The following PHF24 variants were observed in gnomAD, a reference collection of about 807,000 sequenced individuals.
PHF24 encodes Galpha inhibitory interacting protein.
PHF24 carries 25 observed loss-of-function variants against 42.6 expected under a neutral mutation model. The ratio of observed to expected loss-of-function variants is 0.59; its 90% CI spans 0.43 to 0.82. The LOEUF is 0.82. Among genes scored for constraint, PHF24 ranks in the 40% least tolerant of loss-of-function variants. PHF24 has a pLI of 0.00. For synonymous variants in PHF24, 185 were observed against 204.8 expected (o/e 0.90, Z 0.83); for missense variants, 470 against 538.1 (o/e 0.87, Z 1.25).
the PHF24 span, among the ~76,000 whole-genome samples, chr9:34,858,989 G>A: frequency 6.6e-6 from 1 of 152,134 alleles, no homozygotes; most frequent in Non-Finnish European, 1.5e-5. Context: ...GATCTACTTA[G>A]TTTAAAGTAA....
the PHF24 span, among the ~76,000 whole-genome samples, chr9:34,891,503 G>T: frequency 6.6e-6 from 1 of 152,206 alleles, no homozygotes; most frequent in African/African-American, 2.4e-5. Context: ...GGTGCTGCAT[G>T]CTGGGAAGAC....
chr9:34,944,222 G>A, the PHF24 span, among the ~76,000 whole-genome samples: 20 of 152,126 alleles, frequency 1.3e-4, no homozygotes, highest in Middle Eastern at 3.2e-3. Context: ...GCATGATGTA[G>A]GCTGATAAAA....
chr9:34,701,614 C>G, the PHF24 span, among the ~76,000 whole-genome samples: 303 of 152,248 alleles, frequency 2.0e-3, 1 homozygote, highest in African/African-American at 6.9e-3. The surrounding 1 kb of genome is among the most constrained non-coding windows in gnomAD (Gnocchi z 5.8). Context: ...TCCCGGCTCC[C>G]TGGCCCCGCC....
At chr9:34,918,170 G>T in the PHF24 span, 1 of 1,486,334 alleles carries the variant, frequency 6.7e-7, no homozygotes, top group Non-Finnish European at 9.4e-7. Context: ...TCGGCCAGGA[G>T]AAGAAGGGTT....
the PHF24 span, among the ~76,000 whole-genome samples, chr9:34,758,461 T>C: frequency 7.2e-5 from 11 of 152,168 alleles, no homozygotes; most frequent in South Asian, 1.0e-3. This position sits in a 1 kb window ranked among gnomAD's most constrained non-coding sequence, Gnocchi z 4.4. Context: ...GCTGGAAGTA[T>C]AGGCAGCAGG....
At chr9:34,854,196 A>ATT in the PHF24 span, among the ~76,000 whole-genome samples, 2,193 of 106,608 alleles carry the variant, frequency 0.021, 62 homozygotes, top group African/African-American at 0.062. Context: ...CAGTCTATCT[A>ATT]TTTTTTTTTT....
At chr9:34,881,449 T>C in the PHF24 span, among the ~76,000 whole-genome samples, 3 of 151,848 alleles carry the variant, frequency 2.0e-5, no homozygotes, top group East Asian at 1.9e-4. Flanking sequence ...ATCAACAAAA[T>C]TGATATACTG....
At chr9:34,768,151 G>C in the PHF24 span, among the ~76,000 whole-genome samples, 4 of 152,168 alleles carry the variant, frequency 2.6e-5, no homozygotes, top group Non-Finnish European at 5.9e-5. Flanking sequence ...GGCTACAAAT[G>C]ACAAGTTCAA....
the PHF24 span, among the ~76,000 whole-genome samples, chr9:34,808,353 T>C: frequency 6.6e-6 from 1 of 152,096 alleles, no homozygotes; most frequent in Admixed American, 6.6e-5. Flanking sequence ...TACCAGCTAC[T>C]CCAGAGGCTG....
the PHF24 span, among the ~76,000 whole-genome samples, chr9:34,910,734 G>C: frequency 6.6e-6 from 1 of 152,016 alleles, no homozygotes; most frequent in South Asian, 2.1e-4. Flanking sequence ...AAGGGGTTTT[G>C]TCATGATTCA....
the PHF24 span, among the ~76,000 whole-genome samples, chr9:34,766,016 T>A: frequency 6.6e-6 from 1 of 152,112 alleles, no homozygotes; most frequent in Admixed American, 6.6e-5. Flanking sequence ...TTTAAGAATG[T>A]TGAATATTGG....
the PHF24 span, among the ~76,000 whole-genome samples, chr9:34,692,198 G>A: frequency 5.5e-4 from 83 of 152,210 alleles, no homozygotes; most frequent in Admixed American, 1.4e-3. Flanking sequence ...GAGAGAGGGA[G>A]GGGGAACATT....
the PHF24 span, among the ~76,000 whole-genome samples, chr9:34,896,212 C>T: frequency 6.6e-6 from 1 of 151,994 alleles, no homozygotes; most frequent in Non-Finnish European, 1.5e-5. Flanking sequence ...ACAACAACAA[C>T]AAAAAATAGA....
At chr9:34,850,841 G>T in the PHF24 span, among the ~76,000 whole-genome samples, 1 of 152,228 alleles carries the variant, frequency 6.6e-6, no homozygotes, top group Admixed American at 6.5e-5. Flanking sequence ...CTGCAGGTCT[G>T]TTGGAGTTTG....
the PHF24 span, among the ~76,000 whole-genome samples, chr9:34,878,424 C>T: frequency 1.3e-5 from 2 of 152,148 alleles, no homozygotes; most frequent in African/African-American, 2.4e-5. Flanking sequence ...GGCATTGCCT[C>T]ACCTGGGAAG....
chr9:34,744,242 G>C, the PHF24 span, among the ~76,000 whole-genome samples: 51 of 152,276 alleles, frequency 3.3e-4, no homozygotes, highest in African/African-American at 1.0e-3. Flanking sequence ...GGTGGTCAGT[G>C]GGGAACAAAG....
the PHF24 span, among the ~76,000 whole-genome samples, chr9:34,886,132 C>G: frequency 2.4e-4 from 37 of 152,008 alleles, 1 homozygote; most frequent in African/African-American, 8.2e-4. Flanking sequence ...ACTTGCCCCC[C>G]ACTTCTTCAC....
At chr9:34,835,323 A>G in the PHF24 span, 1 of 1,551,696 alleles carries the variant, frequency 6.4e-7, no homozygotes, top group South Asian at 1.2e-5. Context: ...TGGTAATACA[A>G]TGGTGGGTTT....
intron 1 of PHF24, among the ~76,000 whole-genome samples, chr9:34,964,112 C>CTG (rs1476341787): frequency 6.6e-5 from 10 of 152,206 alleles, no homozygotes; most frequent in Admixed American, 3.9e-4. Context: ...CAGTGAAACA[C>CTG]AGATTCCTTT....
Sources: allele counts gnomAD v4.1 joint callset (sites outside exome capture counted in the v4.1 genomes callset), GRCh38; gene constraint gnomAD v4.1.1; non-coding constraint Gnocchi (gnomAD v3.1); transcripts MANE v1.5; gene names NCBI Gene and HGNC (gene_info 2026-07-23, HGNC 2026-07-21).